Variants in ADCY1 observed in about 807,000 individuals in gnomAD.
The protein encoded by ADCY1 is adenylate cyclase 1.
ADCY1 carries 28 observed loss-of-function variants against 105.4 expected under a neutral mutation model. The ratio of observed to expected loss-of-function variants is 0.27; its 90% CI spans 0.20 to 0.36. ADCY1 has a LOEUF of 0.36. Ranked by LOEUF, ADCY1 falls within the 10% of genes least tolerant of loss-of-function variation. The pLI, the probability that ADCY1 is intolerant of heterozygous loss-of-function variation, is 1.00. For missense variants in ADCY1, 977 were observed against 1,434.2 expected, an observed-to-expected ratio of 0.68 and a Z score of 5.15; for synonymous variants, 655 against 623.8, an observed-to-expected ratio of 1.05 and a Z score of -0.75.
chr7:45,605,267 T>C (rs185803640), intron 2 of ADCY1, among the ~76,000 whole-genome samples: 44 of 152,310 alleles, frequency 2.9e-4, no homozygotes, highest in African/African-American at 1.0e-3. Context: ...GTATTTCCCA[T>C]GTAGACCATC....
chr7:45,577,488 G>T (rs1792384463), intron 1 of ADCY1, among the ~76,000 whole-genome samples: 1 of 152,200 alleles, frequency 6.6e-6, no homozygotes, highest in African/African-American at 2.4e-5. Flanking sequence ...AGATGGTGAA[G>T]AAGACAGCAC....
At chr7:45,680,357 G>T in intron 11 of ADCY1, 1 of 169,852 alleles carries the variant, frequency 5.9e-6, no homozygotes, top group Admixed American at 5.4e-5. Flanking sequence ...GTGGGCTTTT[G>T]CAGGAAAGAC....
At chr7:45,589,442 G>A (rs1438799539) in intron 1 of ADCY1, among the ~76,000 whole-genome samples, 1 of 152,204 alleles carries the variant, frequency 6.6e-6, no homozygotes, top group African/African-American at 2.4e-5. Flanking sequence ...GTGGTGACCC[G>A]AGCCTGCCTT....
intron 4 of ADCY1, among the ~76,000 whole-genome samples, chr7:45,640,792 T>A (rs1794509252): frequency 6.6e-6 from 1 of 152,254 alleles, no homozygotes; most frequent in Non-Finnish European, 1.5e-5. Flanking sequence ...TTTAACTTCC[T>A]TGGCTATTGT....
chr7:45,621,214 C>T (rs1213638535), intron 3 of ADCY1, among the ~76,000 whole-genome samples: 5 of 152,236 alleles, frequency 3.3e-5, no homozygotes, highest in Admixed American at 6.5e-5. Context: ...TACAGGTGCA[C>T]GCCAACACAC....
rs891102760 is a variant in ADCY1 at position 45,715,853 on chromosome 7, G to A, written c.*1858G>A. On this transcript the variant is annotated 3_prime_UTR_variant, in exon 20 of 20. Transcript: ENST00000297323. ...GCCCCTGTCTGCCTGTCCTTAGGGT[G>A]TGGATTAGGCTCTGGCTTCTGTGAT... 6 of 152,664 alleles carry A rather than the reference G, an allele frequency of 3.9e-5. No individual in the cohort carries two copies. Among genetic ancestry groups the A allele is most frequent in the African/African-American group, 1.4e-4 (6 of 41,460 alleles). 9.5% of individuals were successfully genotyped at this position (152,664 alleles called of 1,614,324 possible).
At chr7:45,624,472 A>G (rs1793995272) in intron 4 of ADCY1, among the ~76,000 whole-genome samples, 1 of 152,130 alleles carries the variant, frequency 6.6e-6, no homozygotes, top group South Asian at 2.1e-4. Context: ...AAACAGTGGA[A>G]AAGATCAGCA....
At chr7:45,674,563 G>A (rs1025732204) in intron 8 of ADCY1, among the ~76,000 whole-genome samples, 2 of 151,952 alleles carry the variant, frequency 1.3e-5, no homozygotes, top group African/African-American at 4.8e-5. Context: ...TAGTGGAGAC[G>A]GGGTTTCAGC....
At chr7:45,662,703 G>C (rs1376365725) in intron 8 of ADCY1, among the ~76,000 whole-genome samples, 1 of 152,060 alleles carries the variant, frequency 6.6e-6, no homozygotes, top group African/African-American at 2.4e-5. Flanking sequence ...TGTTACTCTC[G>C]GTTAGCAGCC....
intron 19 of ADCY1, among the ~76,000 whole-genome samples, chr7:45,712,023 A>G (rs1463787692): frequency 1.1e-4 from 12 of 111,784 alleles, no homozygotes; most frequent in Middle Eastern, 5.4e-3. Context: ...TATTTTATAT[A>G]TTATACTAAA....
chr7:45,585,439 C>CT lies in ADCY1; in HGVS notation c.640-7299dup, dbSNP rs56193100. On this transcript the variant is annotated intron_variant, in intron 1 of 19. Transcript: ENST00000297323. Reference sequence around the variant, plus strand: ...GCAGGGTCCCATTGGGTGGGTACATCTTTTTTTTTTTTTTTTTTTTTGAGA... The same window carrying CT: ...GCAGGGTCCCATTGGGTGGGTACATCTTTTTTTTTTTTTTTTTTTTTTGAGA... Among the ~76,000 whole-genome samples the CT allele has an allele frequency of 6.2e-3, 749 of 121,076 alleles. 6 individuals carry two copies. The highest frequency in any genetic ancestry group is 0.015 in the African/African-American group (492 of 32,572). 79.4% of individuals were successfully genotyped at this position (121,076 alleles called of 152,430 possible). A position where few individuals can be genotyped will look rare whatever the true frequency, so the allele number is the denominator to read the frequency against.
At chr7:45,682,391 T>A (rs1321126504) in intron 11 of ADCY1, among the ~76,000 whole-genome samples, 2 of 152,060 alleles carry the variant, frequency 1.3e-5, no homozygotes, top group South Asian at 2.1e-4. Flanking sequence ...GAGGTTTGCA[T>A]GGCTAGGCCT....
chr7:45,633,426 A>G (rs1584288306), intron 4 of ADCY1, among the ~76,000 whole-genome samples: 1 of 152,366 alleles, frequency 6.6e-6, no homozygotes. Context: ...TATTGAAAAC[A>G]TTAAGAAAAG....
rs1386164661 is a variant in ADCY1 at position 45,574,502 on chromosome 7, C to G, written c.-42C>G. ...CCCGCGCCCCGGCGCCCCGGGCCGG[C>G]GAGGGGCGCGCCCGCGGCCGCGGCC... On this transcript the variant is annotated 5_prime_UTR_variant, in exon 1 of 20. Transcript: ENST00000297323. The surrounding 1 kb of genome is among the most constrained non-coding windows in gnomAD (Gnocchi z 7.0). The G allele has an allele frequency of 1.0e-6, 1 of 955,444 alleles. No individual in the cohort carries two copies. Among genetic ancestry groups the G allele is most frequent in the Non-Finnish European group, 1.2e-6 (1 of 807,618 alleles). The allele number at this position is 955,444 out of a possible 1,614,324, so 59.2% of individuals were successfully genotyped here.
At chr7:45,596,314 T>G (rs879892908) in intron 2 of ADCY1, among the ~76,000 whole-genome samples, 2 of 150,270 alleles carry the variant, frequency 1.3e-5, no homozygotes, top group Non-Finnish European at 3.0e-5. Context: ...CAACGGGTGA[T>G]GGGAGTGGAT....
At chr7:45,594,441 T>A (rs1249191518) in intron 2 of ADCY1, among the ~76,000 whole-genome samples, 11 of 152,216 alleles carry the variant, frequency 7.2e-5, no homozygotes, top group Admixed American at 5.2e-4. Context: ...TCCCCTTAAC[T>A]ACATCCTCTG....
rs1792900960 is a variant in ADCY1, at chr7:45,591,031, C to T, written c.640-1728C>T. Among the ~76,000 whole-genome samples, 1 of 152,166 alleles carries T rather than the reference C, an allele frequency of 6.6e-6. No homozygotes were observed. Among genetic ancestry groups the T allele is most frequent in the African/African-American group, 2.4e-5 (1 of 41,430 alleles). On this transcript the variant is annotated intron_variant, in intron 1 of 19. Coordinates refer to ENST00000297323, the MANE Select transcript of ADCY1 (RefSeq NM_021116.4). This position sits in a 1 kb window ranked among gnomAD's most constrained non-coding sequence, Gnocchi z 4.1. ...AGCCCTGCAGATTCGTGTTCCTTGT[C>T]CTCCCTCCCTGTCACCTCTTTGAGA...
intron 2 of ADCY1, among the ~76,000 whole-genome samples, chr7:45,608,623 G>A (rs992795333): frequency 2.0e-5 from 3 of 152,242 alleles, no homozygotes; most frequent in African/African-American, 7.2e-5. Flanking sequence ...ATGTGTGCCA[G>A]GGGCTTCCCA....
chr7:45,681,424 C>T (rs1004428629), intron 11 of ADCY1, among the ~76,000 whole-genome samples: 1 of 152,180 alleles, frequency 6.6e-6, no homozygotes, highest in Non-Finnish European at 1.5e-5. Context: ...TTCTCACCCT[C>T]TTCTGTGAGC....
Sources: allele counts gnomAD v4.1 joint callset (sites outside exome capture counted in the v4.1 genomes callset), GRCh38; gene constraint gnomAD v4.1.1; non-coding constraint Gnocchi (gnomAD v3.1); transcripts MANE v1.5; gene names NCBI Gene and HGNC (gene_info 2026-07-23, HGNC 2026-07-21).